The following CHD1 variants were observed in gnomAD, a reference collection of about 807,000 sequenced individuals.
CHD1 encodes chromodomain helicase DNA binding protein 1.
Under a neutral mutation model 224.2 loss-of-function variants are expected in CHD1, and 36 were observed. The ratio of observed to expected loss-of-function variants is 0.16; its 90% CI spans 0.12 to 0.21. The LOEUF (loss-of-function observed/expected upper bound fraction) is 0.21. Among genes scored for constraint, CHD1 ranks in the 10% least tolerant of loss-of-function variants. CHD1 has a pLI of 1.00. For synonymous variants in CHD1, 668 were observed against 658.3 expected (o/e 1.01, Z -0.23); for missense variants, 1,378 against 1,994.8 (o/e 0.69, Z 5.89).
At chr5:98,900,295 A>G (rs1751615522) in intron 7 of CHD1, among the ~76,000 whole-genome samples, 1 of 151,792 alleles carries the variant, frequency 6.6e-6, no homozygotes, top group South Asian at 2.1e-4. Flanking sequence ...AAAAAAAAAA[A>G]AAGAAAAAAG....
intron 2 of CHD1, among the ~76,000 whole-genome samples, chr5:98,920,796 CAAAAAAA>C (rs1232499151): frequency 2.4e-3 from 195 of 82,256 alleles, no homozygotes; most frequent in Middle Eastern, 7.7e-3. Context: ...GACGCCGTCT[CAAAAAAA>C]AAAAAAAAAA....
At chr5:98,898,508 T>G in intron 9 of CHD1, 74 bp from the exon 10 acceptor site, 1 of 1,335,464 alleles carries the variant, frequency 7.5e-7, no homozygotes, top group Non-Finnish European at 9.9e-7. Context: ...TAATTCTTAG[T>G]AAAGGCTACA....
At position 98,903,897 on chromosome 5, in the gene CHD1, A is replaced by G. The variant is rs777800609; in HGVS notation, c.267T>C (p.Ser89=). 6.3e-7 allele frequency: 1 copy of G among 1,594,074 alleles called. No individual in the cohort carries two copies. ...PKVDGAEFWK[S]SPSILAVQRS... ...TCTGAACGGCCAGAATACTAGGACT[A>G]GATTTCCAAAACTATAATAGAAATA... is the stretch of plus-strand genomic sequence containing the variant. The change falls in exon 4 of 36, where the codon TCT becomes TCC. Residue 89 remains serine (S), a synonymous_variant. Transcript: ENST00000614616.
intron 17 of CHD1, among the ~76,000 whole-genome samples, chr5:98,887,366 G>C (rs1295564650): frequency 6.6e-6 from 1 of 151,920 alleles, no homozygotes; most frequent in Non-Finnish European, 1.5e-5. Context: ...GACAAAGCAG[G>C]GATTGTGTGT....
chr5:98,901,633 CAAAA>C (rs1459703642), intron 5 of CHD1, among the ~76,000 whole-genome samples: 1 of 151,426 alleles, frequency 6.6e-6, no homozygotes, highest in Non-Finnish European at 1.5e-5. Flanking sequence ...CTTGCCCTCT[CAAAA>C]AAGAGATACT....
At chr5:98,911,749 AAAAACCC>A (rs1228785936) in intron 2 of CHD1, among the ~76,000 whole-genome samples, 4 of 152,202 alleles carry the variant, frequency 2.6e-5, no homozygotes, top group Admixed American at 2.6e-4. Flanking sequence ...TGAATACCAG[AAAAACCC>A]AAATTGAGAA....
In CHD1 at chr5:98,928,984, CCCCTT is replaced by C. The variant is rs1753712736; in HGVS notation, c.-599_-595del. 6.5e-6 allele frequency: 1 copy of C among 152,864 alleles called. No individual in the cohort carries two copies. The highest frequency in any genetic ancestry group is 1.5e-5 in the Non-Finnish European group (1 of 68,380). 9.5% of individuals were successfully genotyped at this position (152,864 alleles called of 1,614,324 possible). A position where few individuals can be genotyped will look rare whatever the true frequency, so the allele number is the denominator to read the frequency against. Reference sequence around the variant, plus strand: ...CGCGACGTAAGCGCCTCTGCTCACTCCCCTTCCCGACAGAGCGCGAGGCGGGCGGG... The same window carrying C: ...CGCGACGTAAGCGCCTCTGCTCACTCCCCGACAGAGCGCGAGGCGGGCGGG... On this transcript the variant is annotated 5_prime_UTR_variant, in exon 1 of 36. Transcript: ENST00000614616.
At chr5:98,872,624 C>T in intron 26 of CHD1, 69 bp from the exon 27 acceptor site, 1 of 1,244,658 alleles carries the variant, frequency 8.0e-7, no homozygotes, top group African/African-American at 1.5e-5. Context: ...CACCAAGCAA[C>T]TGATGCTATT....
At chr5:98,912,747 A>G (rs1211446164) in intron 2 of CHD1, among the ~76,000 whole-genome samples, 1 of 152,232 alleles carries the variant, frequency 6.6e-6, no homozygotes, top group Non-Finnish European at 1.5e-5. Context: ...TGCTAGTAGC[A>G]CTAGAGAAGA....
intron 10 of CHD1, among the ~76,000 whole-genome samples, chr5:98,897,851 C>T (rs1751441114): frequency 6.6e-6 from 1 of 152,106 alleles, no homozygotes; most frequent in Non-Finnish European, 1.5e-5. Context: ...TCCTTTTTCT[C>T]TACCTTCTAA....
In CHD1 at chr5:98,928,673, A is replaced by AG. The variant is rs1189920016; in HGVS notation, c.-284dup. 1.3e-5 allele frequency: 2 copies of AG among 152,700 alleles called. No individual in the cohort carries two copies. The highest frequency in any genetic ancestry group is 2.9e-5 in the Non-Finnish European group (2 of 68,490). The allele number at this position is 152,700 out of a possible 1,614,324, so 9.5% of individuals were successfully genotyped here. On this transcript the variant is annotated 5_prime_UTR_variant, in exon 1 of 36. Coordinates refer to ENST00000614616, the MANE Select transcript of CHD1 (RefSeq NM_001270.4). The stretch of plus-strand genomic sequence containing the variant: ...CAAGAGTCCGTGCGGGGGAGGGGGA[A>AG]GGGGACAGACGCGGAGGGGAAGGGG...
At chr5:98,857,268 C>T (rs1368102952) in intron 35 of CHD1, among the ~76,000 whole-genome samples, 1 of 152,060 alleles carries the variant, frequency 6.6e-6, no homozygotes, top group Non-Finnish European at 1.5e-5. Flanking sequence ...CATGTGACAG[C>T]TTGATAAAAA....
In CHD1 at chr5:98,880,820, C is replaced by G. The variant is rs191780190; in HGVS notation, c.3060+256G>C. Among the ~76,000 whole-genome samples, 403 of 152,314 alleles carry G rather than the reference C, an allele frequency of 2.6e-3. 2 individuals carry two copies. The highest frequency in any genetic ancestry group is 4.1e-3 in the Non-Finnish European group (278 of 68,012). Reference sequence around the variant, plus strand: ...ATTTACCTAAGTATTTAAGGACATGCTATTTGCCAAACACTATTCTAGTTG... The same window carrying G: ...ATTTACCTAAGTATTTAAGGACATGGTATTTGCCAAACACTATTCTAGTTG... On this transcript the variant is annotated intron_variant, in intron 22 of 35. Coordinates refer to ENST00000614616, the MANE Select transcript of CHD1 (RefSeq NM_001270.4).
At chr5:98,877,555 A>T (rs963553796) in intron 23 of CHD1, among the ~76,000 whole-genome samples, 6 of 152,254 alleles carry the variant, frequency 3.9e-5, no homozygotes, top group African/African-American at 1.2e-4. Context: ...CATTAATTTT[A>T]ATAAGATACA....
At chr5:98,891,346 G>A (rs912418011) in intron 15 of CHD1, among the ~76,000 whole-genome samples, 3 of 151,980 alleles carry the variant, frequency 2.0e-5, no homozygotes, top group African/African-American at 7.3e-5. Context: ...CAAAGTACTG[G>A]GATTACAGGC....
chr5:98,868,548 G>A lies in CHD1; in HGVS notation c.4195C>T (p.Pro1399Ser). ...TCAGATTCTTCAGAAATGGGAACTG[G>A]TTCACCACTTGCCGTGATATGAACT... is the stretch of plus-strand genomic sequence containing the variant. ...APVHITASGE[P>S]VPISEESEEL... The change falls in exon 31 of 36, where the codon CCA becomes TCA. Residue 1399 changes from proline to serine, a missense_variant. By Grantham distance (74) the Pro-to-Ser change is moderately conservative. Transcript: ENST00000614616. The A allele has an allele frequency of 6.2e-7, 1 of 1,612,684 alleles. No homozygotes were observed. Among genetic ancestry groups the A allele is most frequent in the Non-Finnish European group, 8.5e-7 (1 of 1,179,656 alleles).
intron 32 of CHD1, 34 bp from the exon 33 acceptor site, chr5:98,860,102 G>T: frequency 8.3e-7 from 1 of 1,197,794 alleles, no homozygotes; most frequent in Non-Finnish European, 1.2e-6. Flanking sequence ...AATTAAGTTA[G>T]TCTGGTGGAA....
intron 1 of CHD1, among the ~76,000 whole-genome samples, chr5:98,927,910 C>T (rs1412351113): frequency 6.6e-6 from 1 of 152,190 alleles, no homozygotes; most frequent in Non-Finnish European, 1.5e-5. Flanking sequence ...TCCTCTCAAG[C>T]GTCTCCACAA....
chr5:98,904,167 G>C (rs1427488739), intron 3 of CHD1, among the ~76,000 whole-genome samples: 2 of 152,148 alleles, frequency 1.3e-5, no homozygotes, highest in Non-Finnish European at 1.5e-5. Context: ...AGTATTATTT[G>C]TATTAGTGCT....
Sources: allele counts gnomAD v4.1 joint callset (sites outside exome capture counted in the v4.1 genomes callset), GRCh38; gene constraint gnomAD v4.1.1; transcripts MANE v1.5; gene names NCBI Gene and HGNC (gene_info 2026-07-23, HGNC 2026-07-21).